Variants in ZBTB16 observed in about 807,000 individuals in gnomAD.
The protein encoded by ZBTB16 is zinc finger and BTB domain-containing protein 16.
Under a neutral mutation model 56.8 loss-of-function variants are expected in ZBTB16, and 8 were observed. The ratio of observed to expected loss-of-function variants is 0.14; its 90% CI spans 0.08 to 0.25. The LOEUF is 0.25. Ranked by LOEUF, ZBTB16 falls within the 10% of genes least tolerant of loss-of-function variation. The probability of loss-of-function intolerance (pLI) is 1.00; values close to 1 mark genes in which losing one functional copy is unlikely to be tolerated. For missense variants in ZBTB16, 625 were observed against 903.0 expected (o/e 0.69, Z 3.95); for synonymous variants, 363 against 368.5 (o/e 0.98, Z 0.17).
At chr11:114,132,716 C>T (rs570979551) in intron 2 of ZBTB16, among the ~76,000 whole-genome samples, 1 of 152,290 alleles carries the variant, frequency 6.6e-6, no homozygotes, top group Admixed American at 6.5e-5. Context: ...CCATCTCGAG[C>T]ATTGTTCATG....
rs572052007 is a variant in ZBTB16, at chr11:114,224,992, C to T, written c.1454-17175C>T. ...GTGAGCAATTGGGAGGTAGAGGCAA[C>T]GTGGGTAGGCAGCTCTAGGAGTGGA... On this transcript the variant is annotated intron_variant, in intron 4 of 6. Coordinates refer to ENST00000335953, the MANE Select transcript of ZBTB16 (RefSeq NM_006006.6). Among the ~76,000 whole-genome samples, 4 of 152,064 alleles carry T rather than the reference C, an allele frequency of 2.6e-5. No homozygotes were observed. In the South Asian group the frequency reaches 8.3e-4, roughly 32 times the overall value.
intron 4 of ZBTB16, among the ~76,000 whole-genome samples, chr11:114,211,910 C>T (rs1253488851): frequency 6.6e-6 from 1 of 152,200 alleles, no homozygotes; most frequent in South Asian, 2.1e-4. Flanking sequence ...TTTTAAGAAG[C>T]CAGTGTCTAT....
At chr11:114,161,087 TCGTAACAC>T (rs1284530053) in intron 3 of ZBTB16, among the ~76,000 whole-genome samples, 25 of 152,302 alleles carry the variant, frequency 1.6e-4, no homozygotes, top group Admixed American at 1.5e-3. Context: ...CCACTCCTTG[TCGTAACAC>T]GAGAAGTGAT....
At chr11:114,155,170 C>A (rs534881049) in intron 2 of ZBTB16, among the ~76,000 whole-genome samples, 6 of 152,366 alleles carry the variant, frequency 3.9e-5, no homozygotes, top group Non-Finnish European at 5.9e-5. Context: ...TTCCCTTCTG[C>A]CTGCCCCACC....
chr11:114,206,585 C>T (rs1943879916), intron 4 of ZBTB16, among the ~76,000 whole-genome samples: 1 of 152,226 alleles, frequency 6.6e-6, no homozygotes, highest in African/African-American at 2.4e-5. Flanking sequence ...ATGCTGATGG[C>T]CTGGAGTTCC....
At position 114,064,076 on chromosome 11, in the gene ZBTB16, C is replaced by T. The variant is rs147732000; in HGVS notation, c.776C>T (p.Ala259Val). ...DEVPSQDSPG[A>V]AESSISGGMG... Reference sequence around the variant, plus strand: ...GTGCCCAGCCAGGACAGCCCTGGGGCAGCCGAGTCCAGCATCTCAGGAGGG... The same window carrying T: ...GTGCCCAGCCAGGACAGCCCTGGGGTAGCCGAGTCCAGCATCTCAGGAGGG... The change falls in exon 2 of 7, where the codon GCA (alanine) becomes GTA (valine). Residue 259 changes from alanine (A) to valine (V), a missense_variant. By Grantham distance (64) the Ala-to-Val change is moderately conservative. Coordinates refer to ENST00000335953, the MANE Select transcript of ZBTB16 (RefSeq NM_006006.6). This position sits in a 1 kb window ranked among gnomAD's most constrained non-coding sequence, Gnocchi z 4.2. The T allele has an allele frequency of 9.3e-6, 15 of 1,613,624 alleles. No homozygotes were observed. In the African/African-American group the frequency reaches 1.2e-4, roughly 13 times the overall value.
At chr11:114,174,163 G>T (rs984217284) in intron 3 of ZBTB16, among the ~76,000 whole-genome samples, 2 of 152,206 alleles carry the variant, frequency 1.3e-5, no homozygotes, top group Non-Finnish European at 2.9e-5. Context: ...GCAGAGGCAA[G>T]TCTAGACCCT....
At chr11:114,074,671 C>T (rs866847126) in intron 2 of ZBTB16, among the ~76,000 whole-genome samples, 3 of 152,242 alleles carry the variant, frequency 2.0e-5, no homozygotes, top group African/African-American at 7.2e-5. Context: ...TCTCCTCCTG[C>T]GTGGCCAGTG....
chr11:114,160,348 C>A (rs956008825), intron 3 of ZBTB16, among the ~76,000 whole-genome samples: 7 of 152,132 alleles, frequency 4.6e-5, no homozygotes, highest in African/African-American at 1.7e-4. Context: ...TTGAATTCCG[C>A]AGAGATGTCA....
chr11:114,172,063 C>T (rs186975156), intron 3 of ZBTB16, among the ~76,000 whole-genome samples: 10 of 152,178 alleles, frequency 6.6e-5, no homozygotes, highest in African/African-American at 2.4e-4. Flanking sequence ...CTTGGACGTG[C>T]CTTTCACTCG....
At chr11:114,183,207 G>A (rs1284686719) in intron 3 of ZBTB16, among the ~76,000 whole-genome samples, 2 of 152,178 alleles carry the variant, frequency 1.3e-5, no homozygotes, top group Non-Finnish European at 2.9e-5. Flanking sequence ...TGTAAGGAGG[G>A]ACCTGGCCCA....
At chr11:114,199,550 G>A (rs182342738) in intron 4 of ZBTB16, among the ~76,000 whole-genome samples, 2 of 152,376 alleles carry the variant, frequency 1.3e-5, no homozygotes, top group East Asian at 3.9e-4. Flanking sequence ...AGGCAGCATG[G>A]TGTTTGGAAG....
At chr11:114,150,645 T>C (rs1284641615) in intron 2 of ZBTB16, among the ~76,000 whole-genome samples, 1 of 152,238 alleles carries the variant, frequency 6.6e-6, no homozygotes, top group Non-Finnish European at 1.5e-5. Context: ...TCACCTTTCC[T>C]TTGTCATTTG....
chr11:114,097,279 A>C (rs568908708), intron 2 of ZBTB16, among the ~76,000 whole-genome samples: 40 of 152,294 alleles, frequency 2.6e-4, no homozygotes, highest in African/African-American at 8.9e-4. Flanking sequence ...ACGAACTAGA[A>C]TAGATGTTGC....
chr11:114,213,969 C>T lies in ZBTB16; in HGVS notation c.1453+26931C>T, dbSNP rs375362380. On this transcript the variant is annotated intron_variant, in intron 4 of 6. Transcript: ENST00000335953. The stretch of plus-strand genomic sequence containing the variant: ...AAGTTGTAGAGCTTCCTGATGCTGG[C>T]GCTCATGTTTTGTTTTGTCTTTTCC... Among the ~76,000 whole-genome samples, 11 of 152,218 alleles carry T rather than the reference C, an allele frequency of 7.2e-5. No homozygotes were observed. In the South Asian group the frequency reaches 1.7e-3, roughly 23 times the overall value.
intron 2 of ZBTB16, among the ~76,000 whole-genome samples, chr11:114,118,578 A>G (rs1304222598): frequency 6.6e-6 from 1 of 152,166 alleles, no homozygotes; most frequent in Non-Finnish European, 1.5e-5. Context: ...TTACCTATCT[A>G]TCAGTCATCA....
chr11:114,202,409 A>G (rs1193476627), intron 4 of ZBTB16, among the ~76,000 whole-genome samples: 2 of 152,136 alleles, frequency 1.3e-5, no homozygotes, highest in Non-Finnish European at 2.9e-5. Context: ...AGAGGTGACT[A>G]CAGTGCTGTC....
intron 2 of ZBTB16, among the ~76,000 whole-genome samples, chr11:114,073,582 C>T (rs1451108385): frequency 2.0e-5 from 3 of 152,154 alleles, no homozygotes; most frequent in Non-Finnish European, 4.4e-5. Flanking sequence ...CTTAGAAAAA[C>T]CTTAATTCTA....
intron 2 of ZBTB16, among the ~76,000 whole-genome samples, chr11:114,077,572 G>A (rs910153525): frequency 5.3e-5 from 8 of 152,068 alleles, no homozygotes; most frequent in Non-Finnish European, 8.8e-5. Flanking sequence ...AACTAAGCAC[G>A]TTCCAGTGGG....
Sources: gnomAD v4.1 joint callset for allele counts (sites outside exome capture counted in the v4.1 genomes callset) on GRCh38, gnomAD v4.1.1 for gene constraint, Gnocchi (gnomAD v3.1) non-coding constraint, MANE v1.5 for transcripts, NCBI Gene and HGNC (gene_info 2026-07-23, HGNC 2026-07-21) for gene names.